Variants in SHANK1 observed in about 807,000 individuals in gnomAD.
SHANK1 encodes the protein SH3 and multiple ankyrin repeat domains 1.
Under a neutral mutation model 165.6 loss-of-function variants are expected in SHANK1, and 35 were observed. That is an observed-to-expected ratio of 0.21 (90% CI 0.16 to 0.28). The LOEUF (loss-of-function observed/expected upper bound fraction) is 0.28, where lower values mean the gene tolerates loss of function less well. Among genes scored for constraint, SHANK1 ranks in the 10% least tolerant of loss-of-function variants. The pLI is 1.00. For missense variants in SHANK1, 2,681 were observed against 3,036.4 expected, an observed-to-expected ratio of 0.88 and a Z score of 2.75; for synonymous variants, 1,428 against 1,384.8, an observed-to-expected ratio of 1.03 and a Z score of -0.69.
At chr19:50,715,804 AG>A (rs1352203466) in intron 3 of SHANK1, 74 bp from the exon 4 acceptor site, 7 of 1,409,116 alleles carry the variant, frequency 5.0e-6, no homozygotes, top group Non-Finnish European at 7.0e-6. Context: ...GGCTTGGGGT[AG>A]GGGAAGGTCT....
intron 21 of SHANK1, among the ~76,000 whole-genome samples, chr19:50,681,768 G>C (rs896373395): frequency 2.0e-5 from 3 of 151,948 alleles, no homozygotes; most frequent in African/African-American, 7.3e-5. Flanking sequence ...TTTTATTTCA[G>C]TGAATTAATT....
chr19:50,699,268 C>G (rs939464151), intron 12 of SHANK1, among the ~76,000 whole-genome samples: 3 of 152,214 alleles, frequency 2.0e-5, no homozygotes, highest in African/African-American at 7.2e-5. Context: ...TAGTGCCAGT[C>G]ATGAGTCAGG....
chr19:50,709,232 G>T (rs546085882), intron 8 of SHANK1, among the ~76,000 whole-genome samples: 1 of 150,936 alleles, frequency 6.6e-6, no homozygotes, highest in African/African-American at 2.4e-5. Context: ...TCCGCCTCCC[G>T]GGTTCACGCC....
Position 50,686,902 on chromosome 19 carries a change from G to A in SHANK1, c.2390-90C>T. 6.7e-7 allele frequency: 1 copy of A among 1,497,056 alleles called. No homozygotes were observed. Among genetic ancestry groups the A allele is most frequent in the East Asian group, 2.4e-5 (1 of 41,378 alleles). 92.7% of individuals were successfully genotyped at this position (1,497,056 alleles called of 1,614,324 possible). A position where few individuals can be genotyped will look rare whatever the true frequency, so the allele number is the denominator to read the frequency against. ...CTGTGGGCGTGGCCAGCAGGTGCGG[G>A]CCAGTGGGCGTGGCGGGCGCGAGAG... On this transcript the variant is annotated intron_variant, in intron 19 of 23. Transcript: ENST00000293441. The surrounding 1 kb of genome is among the most constrained non-coding windows in gnomAD (Gnocchi z 5.7).
intron 21 of SHANK1, among the ~76,000 whole-genome samples, chr19:50,680,214 G>A (rs139585414): frequency 1.3e-5 from 2 of 152,030 alleles, no homozygotes; most frequent in South Asian, 4.1e-4. Flanking sequence ...GCCTAGAAGG[G>A]GGAGAGACAA....
chr19:50,666,541 G>C lies in SHANK1; in HGVS notation c.5419C>G (p.Pro1807Ala). ...LLALRACSGP[P>A]TAGVAGGPVA... Reference sequence around the variant, plus strand: ...GGACCCCCCGCCACGCCTGCCGTGGGGGGTCCTGAACAAGCACGCAGGGCC... The same window carrying C: ...GGACCCCCCGCCACGCCTGCCGTGGCGGGTCCTGAACAAGCACGCAGGGCC... Residue 1807 changes from proline (P) to alanine (A), a missense_variant, in exon 23 of 24, where the codon CCC becomes GCC. Pro to Ala is a conservative substitution (Grantham distance 27). Around this residue, in one of 10 missense-constraint regions of SHANK1, gnomAD observed 1,713 missense variants for 1,630.2 expected, o/e 1.05. Coordinates refer to ENST00000293441, the MANE Select transcript of SHANK1 (RefSeq NM_016148.5). The C allele has an allele frequency of 1.3e-6, 2 of 1,596,338 alleles. No individual in the cohort carries two copies. The highest frequency in any genetic ancestry group is 1.7e-6 in the Non-Finnish European group (2 of 1,173,922).
At chr19:50,683,234 G>A (rs1986230388) in intron 21 of SHANK1, among the ~76,000 whole-genome samples, 1 of 152,186 alleles carries the variant, frequency 6.6e-6, no homozygotes, top group Non-Finnish European at 1.5e-5. Flanking sequence ...CTGGCATCCG[G>A]ATGGTAGAGG....
chr19:50,662,753 C>T lies in SHANK1; in HGVS notation c.5769-71G>A. On this transcript the variant is annotated intron_variant, in intron 23 of 23. Transcript: ENST00000293441. This position sits in a 1 kb window ranked among gnomAD's most constrained non-coding sequence, Gnocchi z 7.7. ...GGCAAGGGCAGGGGTGAGAAAGAGG[C>T]AGAGGTCAAGATATAGGGAGAGAGG... 2.0e-6 allele frequency: 3 copies of T among 1,522,704 alleles called. No homozygotes were observed. Among genetic ancestry groups the T allele is most frequent in the Non-Finnish European group, 1.8e-6 (2 of 1,126,292 alleles). The allele number at this position is 1,522,704 out of a possible 1,614,324, so 94.3% of individuals were successfully genotyped here. A position where few individuals can be genotyped will look rare whatever the true frequency, so the allele number is the denominator to read the frequency against.
Position 50,667,550 on chromosome 19 carries a change from G to A in SHANK1, c.4410C>T (p.His1470=). ...ACCTCCAGGGCTTGCTTACTCCGGG[G>A]TGCGGGGCCGGGGGCTCCGTCCCCA... is the stretch of plus-strand genomic sequence containing the variant. The part of the protein sequence containing the change: ...LQLGTEPPAP[H]PGVSKPWRSA... Residue 1470 remains histidine, a synonymous_variant, in exon 23 of 24, where the codon CAC becomes CAT. Coordinates refer to ENST00000293441, the MANE Select transcript of SHANK1 (RefSeq NM_016148.5). The surrounding 1 kb of genome is among the most constrained non-coding windows in gnomAD (Gnocchi z 5.7). The A allele has an allele frequency of 6.8e-7, 1 of 1,470,562 alleles. No homozygotes were observed. Among genetic ancestry groups the A allele is most frequent in the Non-Finnish European group, 8.9e-7 (1 of 1,124,760 alleles). The allele number at this position is 1,470,562 out of a possible 1,614,324, so 91.1% of individuals were successfully genotyped here. A position where few individuals can be genotyped will look rare whatever the true frequency, so the allele number is the denominator to read the frequency against.
intron 8 of SHANK1, 35 bp downstream of exon 8, chr19:50,711,336 T>C: frequency 6.9e-7 from 1 of 1,444,984 alleles, no homozygotes; most frequent in Non-Finnish European, 9.5e-7. Context: ...CTATCGGGGA[T>C]GTGAGGGGCC....
intron 11 of SHANK1, 93 bp downstream of exon 11, chr19:50,703,407 G>A (rs903217595): frequency 4.5e-6 from 5 of 1,099,698 alleles, no homozygotes; most frequent in Admixed American, 2.3e-5. Context: ...GCCTACAGAG[G>A]AAGGCAGCTG....
Position 50,704,270 on chromosome 19 carries a change from C to T in SHANK1, c.1156-84G>A, listed in dbSNP as rs10419546. On this transcript the variant is annotated intron_variant, in intron 9 of 23. Transcript: ENST00000293441. ...AGGGAACGTGGCGAGGTCCCTGGCC[C>T]GACCCAAACCTTCCACTCCGACAAT... 9,472 of 1,437,770 alleles carry T rather than the reference C, an allele frequency of 6.6e-3. 405 individuals are homozygous for T. The African/African-American group carries it at 0.098, about 15-fold the overall frequency. 89.1% of individuals were successfully genotyped at this position (1,437,770 alleles called of 1,614,324 possible).
rs1053121972 is a variant in SHANK1 at position 50,716,019 on chromosome 19, C to G, written c.459+256G>C. Among the ~76,000 whole-genome samples, 20 of 152,184 alleles carry G rather than the reference C, an allele frequency of 1.3e-4. No individual in the cohort carries two copies. Among genetic ancestry groups the G allele is most frequent in the Non-Finnish European group, 2.4e-4 (16 of 68,034 alleles). ...AGAGTGCCTACTGTAATTGGGAATC[C>G]TCCCCCAATTTGATGGGTGAGGAGA... On this transcript the variant is annotated intron_variant, in intron 3 of 23. Coordinates refer to ENST00000293441, the MANE Select transcript of SHANK1 (RefSeq NM_016148.5). This position sits in a 1 kb window ranked among gnomAD's most constrained non-coding sequence, Gnocchi z 8.4.
intron 21 of SHANK1, among the ~76,000 whole-genome samples, chr19:50,684,153 T>C (rs563889627): frequency 6.6e-6 from 1 of 151,978 alleles, no homozygotes; most frequent in South Asian, 2.1e-4. Flanking sequence ...TAGAAGAAGA[T>C]CACAGGAGGA....
chr19:50,666,231 C>T lies in SHANK1; in HGVS notation c.5729G>A (p.Ser1910Asn), dbSNP rs192533917. 465 of 1,608,128 alleles carry T rather than the reference C, an allele frequency of 2.9e-4. 3 individuals carry two copies. The highest frequency in any genetic ancestry group is 5.4e-5 in the Non-Finnish European group (64 of 1,177,926). ...GGAGGAGGTCCTCTCGGGGACATAGCTGGCTCCCCCGTGGTGGCTGTCTCC... is the reference window on the plus strand; with the variant it reads ...GGAGGAGGTCCTCTCGGGGACATAGTTGGCTCCCCCGTGGTGGCTGTCTCC... ...GGGDSHHGGASYVPERTSSLQ... is the reference protein window; with the variant it reads ...GGGDSHHGGANYVPERTSSLQ... Residue 1910 changes from serine to asparagine, a missense_variant, in exon 23 of 24, where the codon AGC (serine) becomes AAC (asparagine). Physicochemically the swap from Ser to Asn is conservative, Grantham distance 46. Transcript: ENST00000293441.
chr19:50,697,362 C>T lies in SHANK1; in HGVS notation c.1937+227G>A, dbSNP rs779266254. On this transcript the variant is annotated intron_variant, in intron 14 of 23. Transcript: ENST00000293441. This position sits in a 1 kb window ranked among gnomAD's most constrained non-coding sequence, Gnocchi z 4.7. Reference sequence around the variant, plus strand: ...CATCCCCACCCTGCCCTGACCACCCCGTTGTCTCTGGCTACCCCAGAGCTG... The same window carrying T: ...CATCCCCACCCTGCCCTGACCACCCTGTTGTCTCTGGCTACCCCAGAGCTG... 7.9e-5 allele frequency among the ~76,000 whole-genome samples: 12 copies of T among 152,180 alleles called. No homozygotes were observed. Among genetic ancestry groups the T allele is most frequent in the Non-Finnish European group, 1.2e-4 (8 of 68,032 alleles).
rs1243267449 is a variant in SHANK1, at chr19:50,709,286, C to T, written c.1077+2085G>A. On this transcript the variant is annotated intron_variant, in intron 8 of 23. Transcript: ENST00000293441. Reference sequence around the variant, plus strand: ...CCCGAGTAGCTGGGACTACAGGCGCCCGCCACCACGCCTGGCTAACTTTTT... The same window carrying T: ...CCCGAGTAGCTGGGACTACAGGCGCTCGCCACCACGCCTGGCTAACTTTTT... Among the ~76,000 whole-genome samples the T allele has an allele frequency of 2.0e-5, 3 of 151,670 alleles. No homozygotes were observed. In the East Asian group the frequency reaches 5.9e-4, roughly 30 times the overall value.
In SHANK1 at chr19:50,697,441, G is replaced by T; in HGVS notation, c.1937+148C>A. The T allele has an allele frequency of 1.3e-6, 1 of 797,652 alleles. No individual in the cohort carries two copies. Among genetic ancestry groups the T allele is most frequent in the Non-Finnish European group, 2.2e-6 (1 of 461,228 alleles). 49.4% of individuals were successfully genotyped at this position (797,652 alleles called of 1,614,324 possible). On this transcript the variant is annotated intron_variant, in intron 14 of 23. Transcript: ENST00000293441. The surrounding 1 kb of genome is among the most constrained non-coding windows in gnomAD (Gnocchi z 4.7). ...TTGGGGTTGGGCTGTACTGTCTGAAGCTAATTCTGGCTTATCCCACCCCTG... is the reference window on the plus strand; with the variant it reads ...TTGGGGTTGGGCTGTACTGTCTGAATCTAATTCTGGCTTATCCCACCCCTG...
At chr19:50,694,415 G>A (rs937860954) in intron 15 of SHANK1, among the ~76,000 whole-genome samples, 6 of 151,154 alleles carry the variant, frequency 4.0e-5, no homozygotes, top group Non-Finnish European at 8.9e-5. Flanking sequence ...GTGGGGATGT[G>A]GGGATCAGAG....
Sources: gnomAD v4.1 joint callset for allele counts (sites outside exome capture counted in the v4.1 genomes callset) on GRCh38, gnomAD v4.1.1 for gene constraint, gnomAD v4.1.1 regional missense constraint, Gnocchi (gnomAD v3.1) non-coding constraint, MANE v1.5 for transcripts, NCBI Gene and HGNC (gene_info 2026-07-23, HGNC 2026-07-21) for gene names.